The following HERC4 variants were observed in gnomAD, a reference collection of about 807,000 sequenced individuals.
The protein encoded by HERC4 is HECT and RLD domain containing E3 ubiquitin protein ligase 4.
In HERC4, 28 loss-of-function variants were observed where a neutral mutation model predicts 124.3. That is an observed-to-expected ratio of 0.23 (90% CI 0.17 to 0.31). The LOEUF (loss-of-function observed/expected upper bound fraction) is 0.31. Among genes scored for constraint, HERC4 ranks in the 10% least tolerant of loss-of-function variants. The pLI is 1.00. For synonymous variants in HERC4, 407 were observed against 421.5 expected (o/e 0.97, Z 0.42); for missense variants, 713 against 1,229.3 (o/e 0.58, Z 6.28).
At chr10:67,942,993 T>C (rs774826210) in intron 19 of HERC4, among the ~76,000 whole-genome samples, 2 of 152,252 alleles carry the variant, frequency 1.3e-5, no homozygotes, top group Non-Finnish European at 2.9e-5. Context: ...TATGTGCTCA[T>C]GAAATATCTC....
chr10:68,028,404 C>A (rs926077962), intron 7 of HERC4, among the ~76,000 whole-genome samples: 2 of 152,120 alleles, frequency 1.3e-5, no homozygotes, highest in Non-Finnish European at 2.9e-5. Context: ...TATTTCTTCT[C>A]GATATCCAGT....
At position 68,046,982 on chromosome 10, in the gene HERC4, CA is replaced by C. The variant is rs201088115; in HGVS notation, c.227-2420del. ...CCAGAAAAACAAACAAACAAACAAA[CA>C]AAAAAAAACATGAAGAATTTTGGAA... On this transcript the variant is annotated intron_variant, in intron 3 of 24. Transcript: ENST00000373700. 2.7e-5 allele frequency among the ~76,000 whole-genome samples: 4 copies of C among 146,590 alleles called. No individual in the cohort carries two copies. The East Asian group carries it at 7.0e-4, about 26-fold the overall frequency.
At chr10:68,074,932 G>C (rs2041740220) in intron 1 of HERC4, 3 of 152,584 alleles carry the variant, frequency 2.0e-5, no homozygotes, top group African/African-American at 7.2e-5. Flanking sequence ...GAACCCGCTG[G>C]GGCCACAACT....
intron 19 of HERC4, among the ~76,000 whole-genome samples, chr10:67,946,392 CACACAA>C (rs1441216866): frequency 9.9e-4 from 141 of 142,476 alleles, no homozygotes; most frequent in Non-Finnish European, 1.8e-3. Context: ...CACACACACA[CACACAA>C]GACCCAATGA....
At position 67,962,557 on chromosome 10, in the gene HERC4, AAG is replaced by A. The variant is rs1178994452; in HGVS notation, c.1926+4124_1926+4125del. Reference sequence around the variant, plus strand: ...AATAGGACGTGAAAAACTTCAGAAAAAGAGAGATGATTAGACATTAGGTATAA... The same window carrying A: ...AATAGGACGTGAAAAACTTCAGAAAAAGAGATGATTAGACATTAGGTATAA... On this transcript the variant is annotated intron_variant, in intron 16 of 24. Coordinates refer to ENST00000373700, the MANE Select transcript of HERC4 (RefSeq NM_015601.4). 3.9e-5 allele frequency among the ~76,000 whole-genome samples: 6 copies of A among 152,250 alleles called. No individual in the cohort carries two copies. The South Asian group carries it at 1.2e-3, about 32-fold the overall frequency.
chr10:68,051,686 C>G (rs1589426749), intron 3 of HERC4, among the ~76,000 whole-genome samples: 1 of 140,494 alleles, frequency 7.1e-6, no homozygotes, highest in African/African-American at 2.6e-5. Flanking sequence ...TTCAACTTTT[C>G]TTTTCTTTTT....
chr10:67,976,583 T>C (rs2035602806), intron 15 of HERC4, among the ~76,000 whole-genome samples: 1 of 152,068 alleles, frequency 6.6e-6, no homozygotes, highest in South Asian at 2.1e-4. Context: ...AAAAAGCATC[T>C]TCCTGAGAAC....
At chr10:68,039,175 C>T (rs552626950) in intron 4 of HERC4, among the ~76,000 whole-genome samples, 148 of 147,860 alleles carry the variant, frequency 1.0e-3, no homozygotes, top group Non-Finnish European at 1.7e-3. Flanking sequence ...AAAAAATTAG[C>T]AGGTGTGGTG....
intron 15 of HERC4, among the ~76,000 whole-genome samples, chr10:67,974,045 CAAAAAAAAAAA>C (rs11406155): frequency 2.6e-5 from 1 of 38,476 alleles, no homozygotes; most frequent in Non-Finnish European, 4.8e-5. Context: ...GACTCTGTCT[CAAAAAAAAAAA>C]AAAAAAAAAA....
chr10:67,924,186 G>C (rs1397047378), intron 24 of HERC4, among the ~76,000 whole-genome samples: 1 of 152,180 alleles, frequency 6.6e-6, no homozygotes, highest in African/African-American at 2.4e-5. Flanking sequence ...GCTTGTGACT[G>C]TACTGAATGT....
intron 15 of HERC4, among the ~76,000 whole-genome samples, chr10:67,974,171 G>A (rs1054202326): frequency 3.3e-5 from 5 of 149,794 alleles, no homozygotes; most frequent in African/African-American, 7.4e-5. Context: ...GAAAGTAATG[G>A]CAGGACTGTC....
intron 3 of HERC4, chr10:68,069,825 A>G (rs1287128299): frequency 2.7e-5 from 20 of 738,264 alleles, no homozygotes; most frequent in East Asian, 1.3e-4. Context: ...GGCAGATCAC[A>G]AGGTCAGGAT....
At chr10:68,054,488 C>T (rs1000685789) in intron 3 of HERC4, among the ~76,000 whole-genome samples, 11 of 151,594 alleles carry the variant, frequency 7.3e-5, no homozygotes, top group South Asian at 2.1e-4. Flanking sequence ...CACGCCCAGC[C>T]GGCACCACCA....
chr10:67,989,568 T>C (rs568995671), intron 14 of HERC4, among the ~76,000 whole-genome samples: 1 of 152,100 alleles, frequency 6.6e-6, no homozygotes, highest in South Asian at 2.1e-4. Context: ...ATTACTTCTA[T>C]ATATCTCAGC....
intron 9 of HERC4, among the ~76,000 whole-genome samples, chr10:68,006,609 C>T (rs1488890373): frequency 6.6e-6 from 1 of 151,990 alleles, no homozygotes; most frequent in Non-Finnish European, 1.5e-5. Context: ...AACTCCTGAC[C>T]TCAGGTGATC....
rs2040785398 is a variant in HERC4 at position 68,059,590 on chromosome 10, T to TA, written c.226+13292dup. ...ATATTATATATCATATTATATATCA[T>TA]ATTATATATCATAATATTATATATC... On this transcript the variant is annotated intron_variant, in intron 3 of 24. Transcript: ENST00000373700. 2.0e-5 allele frequency among the ~76,000 whole-genome samples: 2 copies of TA among 101,998 alleles called. 1 individual carries two copies. Among genetic ancestry groups the TA allele is most frequent in the African/African-American group, 8.5e-5 (2 of 23,542 alleles). The allele number at this position is 101,998 out of a possible 152,430, so 66.9% of individuals were successfully genotyped here. A position where few individuals can be genotyped will look rare whatever the true frequency, so the allele number is the denominator to read the frequency against.
intron 23 of HERC4, among the ~76,000 whole-genome samples, chr10:67,927,430 A>ATATATT (rs1564911511): frequency 4.2e-4 from 16 of 37,862 alleles, no homozygotes; most frequent in Non-Finnish European, 9.9e-4. Context: ...ATATATATAT[A>ATATATT]TTTTTTTTTT....
chr10:68,069,440 T>C, intron 3 of HERC4: 1 of 985,298 alleles, frequency 1.0e-6, no homozygotes, highest in Non-Finnish European at 1.2e-6. Context: ...GAGATGAACA[T>C]GAACATAATC....
In HERC4 at chr10:68,040,544, A is replaced by T. The variant is rs544904482; in HGVS notation, c.387-2375T>A. ...TAATCCCCTTTGTCACATAAAAAAG[A>T]TAATGTGTTTAATCATTTCTAATTT... is the stretch of plus-strand genomic sequence containing the variant. On this transcript the variant is annotated intron_variant, in intron 4 of 24. Coordinates refer to ENST00000373700, the MANE Select transcript of HERC4 (RefSeq NM_015601.4). 52 of 577,320 alleles carry T rather than the reference A, an allele frequency of 9.0e-5. No individual in the cohort carries two copies. In the African/African-American group the frequency reaches 9.9e-4, roughly 11 times the overall value. The allele number at this position is 577,320 out of a possible 1,614,324, so 35.8% of individuals were successfully genotyped here.
Sources: gnomAD v4.1 joint callset for allele counts (sites outside exome capture counted in the v4.1 genomes callset) on GRCh38, gnomAD v4.1.1 for gene constraint, MANE v1.5 for transcripts, NCBI Gene and HGNC (gene_info 2026-07-23, HGNC 2026-07-21) for gene names.